The following WDFY4 variants were observed in gnomAD, a reference collection of about 807,000 sequenced individuals.
WDFY4 encodes the protein WDFY family member 4.
Under a neutral mutation model 351.9 loss-of-function variants are expected in WDFY4, and 169 were observed. The ratio of observed to expected loss-of-function variants is 0.48; its 90% CI spans 0.42 to 0.55. The LOEUF (loss-of-function observed/expected upper bound fraction) is 0.55, where lower values mean the gene tolerates loss of function less well. Among genes scored for constraint, WDFY4 ranks in the 20% least tolerant of loss-of-function variants. The pLI is 0.00. For synonymous variants in WDFY4, 1,622 were observed against 1,574.6 expected (o/e 1.03, Z -0.71); for missense variants, 3,803 against 3,935.6 (o/e 0.97, Z 0.90).
intron 1 of WDFY4, among the ~76,000 whole-genome samples, chr10:48,704,877 C>T (rs1399966695): frequency 6.6e-6 from 1 of 152,260 alleles, no homozygotes; most frequent in African/African-American, 2.4e-5. Context: ...TAAATGCCTG[C>T]ACTAAGTAGG....
chr10:48,877,327 A>G (rs2070058782), intron 43 of WDFY4, 128 bp downstream of exon 43: 1 of 904,968 alleles, frequency 1.1e-6, no homozygotes, highest in South Asian at 1.8e-5. Flanking sequence ...AAAACTTTCA[A>G]CACAATAATC....
rs1188424681 is a variant in WDFY4, at chr10:48,963,856, C to G, written c.8238C>G (p.Asp2746Glu). Residue 2746 changes from aspartate (D) to glutamate (E), a missense_variant, in exon 54 of 62, where the codon GAC (aspartate) becomes GAG (glutamate). By Grantham distance (45) the Asp-to-Glu change is conservative. Around this residue, in one of 3 missense-constraint regions of WDFY4, gnomAD observed 3,054 missense variants for 3,148.6 expected, o/e 0.97. Coordinates refer to ENST00000325239, the MANE Select transcript of WDFY4 (RefSeq NM_001394531.1). Reference protein sequence around the residue: ...ISLHRKALESDFVSANLHHWI... With the variant: ...ISLHRKALESEFVSANLHHWI... The stretch of plus-strand genomic sequence containing the variant: ...TTTTGTTCCAGGCCCTGGAAAGTGA[C>G]TTTGTCAGTGCCAACCTCCACCATT... 1 of 1,551,566 alleles carries G rather than the reference C, an allele frequency of 6.4e-7. No individual in the cohort carries two copies. Among genetic ancestry groups the G allele is most frequent in the East Asian group, 2.4e-5 (1 of 40,922 alleles).
rs1842502169 is a variant in WDFY4, at chr10:48,974,958, T to C, written c.9025T>C (p.Trp3009Arg). The C allele has an allele frequency of 6.4e-7, 1 of 1,551,546 alleles. No individual in the cohort carries two copies. The highest frequency in any genetic ancestry group is 1.4e-5 in the African/African-American group (1 of 73,018). The change falls in exon 58 of 62, where the codon TGG (tryptophan) becomes CGG (arginine). Residue 3009 changes from tryptophan (W) to arginine (R), a missense_variant. Coordinates refer to ENST00000325239, the MANE Select transcript of WDFY4 (RefSeq NM_001394531.1). ...CTCCCAGGACTGCACCTGTATCCTGTGGGATCTGGACCACCTCACCCACGT... is the reference window on the plus strand; with the variant it reads ...CTCCCAGGACTGCACCTGTATCCTGCGGGATCTGGACCACCTCACCCACGT... ...SGSQDCTCIL[W>R]DLDHLTHVTR... is the part of the protein sequence containing the mutation.
intron 61 of WDFY4, 54 bp downstream of exon 61, chr10:48,981,532 T>A: frequency 6.6e-7 from 1 of 1,521,356 alleles, no homozygotes; most frequent in Non-Finnish European, 8.9e-7. Flanking sequence ...GCAGCCACCT[T>A]TAGGAAAGCC....
At chr10:48,745,347 C>G (rs937720996) in intron 12 of WDFY4, among the ~76,000 whole-genome samples, 1 of 152,066 alleles carries the variant, frequency 6.6e-6, no homozygotes, top group Non-Finnish European at 1.5e-5. Context: ...CAATGTAGTC[C>G]CTTCTCATAA....
intron 47 of WDFY4, chr10:48,935,321 C>T (rs1037601360): frequency 6.6e-6 from 1 of 152,250 alleles, no homozygotes; most frequent in African/African-American, 2.4e-5. Context: ...CTAAGACACT[C>T]TAATTTCCCG....
At chr10:48,701,776 T>C (rs1157204251) in intron 1 of WDFY4, among the ~76,000 whole-genome samples, 1 of 152,196 alleles carries the variant, frequency 6.6e-6, no homozygotes, top group Admixed American at 6.5e-5. Context: ...TTCCAGCACC[T>C]GTGAAATACT....
chr10:48,913,552 C>G, intron 47 of WDFY4: 1 of 1,614,136 alleles, frequency 6.2e-7, no homozygotes, highest in Non-Finnish European at 8.5e-7. Context: ...TCCTTCTCCT[C>G]CACAACATAC....
Position 48,969,196 on chromosome 10 carries a change from G to C in WDFY4, c.8717G>C (p.Ser2906Thr). Residue 2906 changes from serine (S) to threonine (T), a missense_variant, in exon 56 of 62, where the codon AGC (serine) becomes ACC (threonine). Around this residue, in one of 3 missense-constraint regions of WDFY4, gnomAD observed 3,054 missense variants for 3,148.6 expected, o/e 0.97. Transcript: ENST00000325239. The part of the protein sequence containing the change: ...LLPPLWNRTF[S>T]WGFDDFSCCL... ...CCTCCTCTCTGGAACAGGACCTTCA[G>C]CTGGGGCTTTGATGACTTCAGCTGC... 1.3e-6 allele frequency: 2 copies of C among 1,551,674 alleles called. No individual in the cohort carries two copies. The highest frequency in any genetic ancestry group is 1.7e-6 in the Non-Finnish European group (2 of 1,146,952).
intron 40 of WDFY4, among the ~76,000 whole-genome samples, chr10:48,869,223 T>C (rs1020785117): frequency 1.5e-4 from 23 of 152,168 alleles, no homozygotes; most frequent in African/African-American, 5.6e-4. Flanking sequence ...TCCAGAAAAG[T>C]CAGGTCCAAA....
intron 47 of WDFY4, among the ~76,000 whole-genome samples, chr10:48,917,443 C>T (rs1428954695): frequency 6.6e-6 from 1 of 152,164 alleles, no homozygotes; most frequent in African/African-American, 2.4e-5. Context: ...GAAATTCACA[C>T]TCAGACACAT....
At chr10:48,955,603 G>A (rs1269114694) in intron 51 of WDFY4, among the ~76,000 whole-genome samples, 2 of 152,210 alleles carry the variant, frequency 1.3e-5, no homozygotes, top group East Asian at 3.8e-4. Flanking sequence ...TCACTGCCTT[G>A]GGAAAAATCA....
At chr10:48,945,962 C>T (rs1841022755) in intron 49 of WDFY4, 78 bp from the exon 50 acceptor site, 1 of 970,272 alleles carries the variant, frequency 1.0e-6, no homozygotes, top group African/African-American at 1.7e-5. Context: ...ATAAAGAGAA[C>T]CATAAAACTC....
intron 14 of WDFY4, among the ~76,000 whole-genome samples, 155 bp downstream of exon 14, chr10:48,774,827 G>A (rs1324276444): frequency 6.6e-6 from 1 of 152,194 alleles, no homozygotes; most frequent in Non-Finnish European, 1.5e-5. Context: ...CTGAGCCTTG[G>A]GTCTGTGCCA....
intron 51 of WDFY4, 134 bp from the exon 52 acceptor site, chr10:48,956,995 G>T: frequency 8.3e-7 from 1 of 1,200,888 alleles, no homozygotes; most frequent in Admixed American, 2.3e-5. Flanking sequence ...GGGCTGATGG[G>T]TACACGTGTG....
chr10:48,858,958 A>C (rs2069240620), intron 39 of WDFY4, among the ~76,000 whole-genome samples: 1 of 152,148 alleles, frequency 6.6e-6, no homozygotes, highest in Non-Finnish European at 1.5e-5. Flanking sequence ...CATTATTTTC[A>C]AGAAATTGAC....
At chr10:48,751,314 A>G (rs973815516) in intron 12 of WDFY4, among the ~76,000 whole-genome samples, 19 of 152,264 alleles carry the variant, frequency 1.2e-4, no homozygotes, top group Non-Finnish European at 2.8e-4. Flanking sequence ...GTGAGACTCA[A>G]AATCAACTAT....
chr10:48,690,311 A>T (rs1440350985), intron 1 of WDFY4, among the ~76,000 whole-genome samples: 1 of 152,234 alleles, frequency 6.6e-6, no homozygotes, highest in Admixed American at 6.5e-5. Context: ...CATGTTTATG[A>T]TATGATGGAT....
chr10:48,820,483 C>G (rs777435592), intron 33 of WDFY4, 46 bp downstream of exon 33: 1 of 1,532,920 alleles, frequency 6.5e-7, no homozygotes, highest in Non-Finnish European at 8.8e-7. Flanking sequence ...TGGAGGCTGC[C>G]GGCATACCGG....
Sources: gnomAD v4.1 joint callset for allele counts (sites outside exome capture counted in the v4.1 genomes callset) on GRCh38, gnomAD v4.1.1 for gene constraint, gnomAD v4.1.1 regional missense constraint, MANE v1.5 for transcripts, NCBI Gene and HGNC (gene_info 2026-07-23, HGNC 2026-07-21) for gene names.